BARD1: variants seen among roughly 807,000 people sequenced by gnomAD.
BARD1 encodes BRCA1 associated RING domain 1.
Under a neutral mutation model 77.0 loss-of-function variants are expected in BARD1, and 73 were observed. The ratio of observed to expected loss-of-function variants is 0.95; its 90% CI spans 0.79 to 1.15. The LOEUF (loss-of-function observed/expected upper bound fraction) is 1.15. BARD1 is among the 50% of genes most tolerant of loss of function. The probability of loss-of-function intolerance (pLI) is 0.00; values close to 1 mark genes in which losing one functional copy is unlikely to be tolerated. For synonymous variants in BARD1, 384 were observed against 338.0 expected (o/e 1.14, Z -1.49); for missense variants, 993 against 938.8 (o/e 1.06, Z -0.75).
intron 7 of BARD1, among the ~76,000 whole-genome samples, chr2:214,752,152 G>A (rs1195307004): frequency 6.6e-6 from 1 of 152,160 alleles, no homozygotes; most frequent in East Asian, 1.9e-4. Flanking sequence ...TTTACAGTTT[G>A]TCTCTTTCCT....
At position 214,798,803 on chromosome 2, in the gene BARD1, G is replaced by T. The variant is rs572406138; in HGVS notation, c.159-1686C>A. On this transcript the variant is annotated intron_variant, in intron 1 of 10. Coordinates refer to ENST00000260947, the MANE Select transcript of BARD1 (RefSeq NM_000465.4). ...AAAAAAAAAAAAAGGAAAGAAAGAT[G>T]AATAAACTTCTCTCTATAAATTCAT... Among the ~76,000 whole-genome samples, 4 of 147,510 alleles carry T rather than the reference G, an allele frequency of 2.7e-5. No individual in the cohort carries two copies. The East Asian group carries it at 5.9e-4, about 22-fold the overall frequency.
At chr2:214,789,259 T>G (rs1328794795) in intron 3 of BARD1, among the ~76,000 whole-genome samples, 1 of 151,958 alleles carries the variant, frequency 6.6e-6, no homozygotes, top group African/African-American at 2.4e-5. Context: ...TCAGGCACAA[T>G]TAGCTCATGC....
chr2:214,752,344 G>C, intron 7 of BARD1, 103 bp downstream of exon 7: 3 of 906,430 alleles, frequency 3.3e-6, no homozygotes, highest in Middle Eastern at 3.0e-4. Flanking sequence ...TAATTGTTTG[G>C]TGAATGTAAG....
chr2:214,762,820 G>C (rs1694022021), intron 6 of BARD1, among the ~76,000 whole-genome samples: 1 of 152,086 alleles, frequency 6.6e-6, no homozygotes, highest in Non-Finnish European at 1.5e-5. Flanking sequence ...TTTTGAAACA[G>C]TACAAAGTAA....
At chr2:214,756,066 A>C (rs6759311) in intron 6 of BARD1, among the ~76,000 whole-genome samples, 46,884 of 152,080 alleles carry the variant, frequency 0.31, 7,805 homozygotes, top group South Asian at 0.41. Flanking sequence ...TACTTTACCT[A>C]TACTGATAAG....
intron 10 of BARD1, 141 bp from the exon 11 acceptor site, chr2:214,729,149 A>C: frequency 9.3e-7 from 1 of 1,079,614 alleles, no homozygotes; most frequent in East Asian, 2.6e-5. Flanking sequence ...CAGATTCATA[A>C]ATTTTTTGGG....
At position 214,745,814 on chromosome 2, in the gene BARD1, A is replaced by C; in HGVS notation, c.1718T>G (p.Ile573Arg). ...GQRRDGPLVLIGSGLSSEQQK... is the reference protein window; with the variant it reads ...GQRRDGPLVLRGSGLSSEQQK... Reference sequence around the variant, plus strand: ...TTGTTCTGAAGACAGCCCACTGCCTATAAGTACAAGAGGTCCATCCCTACG... The same window carrying C: ...TTGTTCTGAAGACAGCCCACTGCCTCTAAGTACAAGAGGTCCATCCCTACG... Residue 573 changes from isoleucine (I) to arginine (R), a missense_variant, in exon 8 of 11, where the codon ATA (isoleucine) becomes AGA (arginine). Transcript: ENST00000260947. 1.2e-6 allele frequency: 2 copies of C among 1,614,038 alleles called. No individual in the cohort carries two copies. Among genetic ancestry groups the C allele is most frequent in the East Asian group, 2.2e-5 (1 of 44,852 alleles).
At chr2:214,769,847 T>A (rs1262169821) in intron 4 of BARD1, among the ~76,000 whole-genome samples, 1 of 152,226 alleles carries the variant, frequency 6.6e-6, no homozygotes, top group Non-Finnish European at 1.5e-5. Context: ...GAAAGCCATA[T>A]TCAAAATTCA....
At chr2:214,769,780 T>A (rs1402913036) in intron 4 of BARD1, among the ~76,000 whole-genome samples, 1 of 152,116 alleles carries the variant, frequency 6.6e-6, no homozygotes, top group East Asian at 1.9e-4. Flanking sequence ...GCGTATAAAT[T>A]ATTCTGAGAT....
chr2:214,754,548 G>A (rs1358278822), intron 6 of BARD1, among the ~76,000 whole-genome samples: 1 of 152,088 alleles, frequency 6.6e-6, no homozygotes, highest in East Asian at 1.9e-4. Flanking sequence ...CTGTTCAAGT[G>A]CTTCTCAAAG....
chr2:214,753,794 G>A (rs1339967920), intron 6 of BARD1, among the ~76,000 whole-genome samples: 1 of 152,110 alleles, frequency 6.6e-6, no homozygotes, highest in Non-Finnish European at 1.5e-5. Context: ...CACAGCAAAT[G>A]TTTCTCTAAT....
intron 2 of BARD1, among the ~76,000 whole-genome samples, chr2:214,794,014 G>A (rs1161301619): frequency 1.3e-5 from 2 of 152,124 alleles, no homozygotes; most frequent in East Asian, 3.9e-4. Flanking sequence ...CACTTTGGGA[G>A]GCCGAGACAA....
chr2:214,729,425 G>C (rs1214546718), intron 10 of BARD1, among the ~76,000 whole-genome samples: 1 of 152,140 alleles, frequency 6.6e-6, no homozygotes, highest in African/African-American at 2.4e-5. Flanking sequence ...TGTTGGATTA[G>C]GAATGCTCCA....
At chr2:214,784,897 G>A (rs1695200419) in intron 3 of BARD1, among the ~76,000 whole-genome samples, 1 of 151,980 alleles carries the variant, frequency 6.6e-6, no homozygotes, top group Admixed American at 6.6e-5. Flanking sequence ...GTCAGGGGAG[G>A]GATAGCATTA....
At chr2:214,734,943 G>A (rs1019058566) in intron 9 of BARD1, among the ~76,000 whole-genome samples, 20 of 152,096 alleles carry the variant, frequency 1.3e-4, no homozygotes, top group African/African-American at 4.6e-4. Flanking sequence ...TATGAACACC[G>A]ATTAGTGAAT....
At chr2:214,762,435 A>G (rs1694007379) in intron 6 of BARD1, among the ~76,000 whole-genome samples, 1 of 152,180 alleles carries the variant, frequency 6.6e-6, no homozygotes. Flanking sequence ...CTACATACAT[A>G]TATATGAAAC....
chr2:214,762,823 CAAAGT>C (rs755353982), intron 6 of BARD1, among the ~76,000 whole-genome samples: 7 of 152,136 alleles, frequency 4.6e-5, no homozygotes, highest in Non-Finnish European at 8.8e-5. Context: ...TGAAACAGTA[CAAAGT>C]AAATCAAACT....
intron 5 of BARD1, among the ~76,000 whole-genome samples, chr2:214,768,582 G>T (rs1574791214): frequency 6.6e-6 from 1 of 152,220 alleles, no homozygotes; most frequent in African/African-American, 2.4e-5. Flanking sequence ...TGAATTTCTA[G>T]TTACAGGATG....
At chr2:214,737,482 T>C (rs1692618278) in intron 9 of BARD1, among the ~76,000 whole-genome samples, 1 of 152,162 alleles carries the variant, frequency 6.6e-6, no homozygotes, top group Non-Finnish European at 1.5e-5. Flanking sequence ...CAATCCGACA[T>C]GCTAAGGTTG....
Sources: allele counts gnomAD v4.1 joint callset (sites outside exome capture counted in the v4.1 genomes callset), GRCh38; gene constraint gnomAD v4.1.1; transcripts MANE v1.5; gene names NCBI Gene and HGNC (gene_info 2026-07-23, HGNC 2026-07-21).